The following CHST11 variants were observed in gnomAD, a reference collection of about 807,000 sequenced individuals.
CHST11 encodes carbohydrate sulfotransferase 11.
Under a neutral mutation model 30.4 loss-of-function variants are expected in CHST11, and 9 were observed. That is an observed-to-expected ratio of 0.30 (90% CI 0.18 to 0.52). CHST11 has a LOEUF of 0.52. Among genes scored for constraint, CHST11 ranks in the 20% least tolerant of loss-of-function variants. The pLI, the probability that CHST11 is intolerant of heterozygous loss-of-function variation, is 0.97. For synonymous variants in CHST11, 152 were observed against 187.8 expected (o/e 0.81, Z 1.56); for missense variants, 348 against 460.6 (o/e 0.76, Z 2.24).
In CHST11 at chr12:104,458,394, TCC is replaced by T. The variant is rs2037376086; in HGVS notation, c.118+866_118+867del. ...CGGGCGGCGTGGGAATGAACCCCAT[TCC>T]TCCGGTCCCTTGTGGCTCAGGCAAA... On this transcript the variant is annotated intron_variant, in intron 1 of 2. Coordinates refer to ENST00000303694, the MANE Select transcript of CHST11 (RefSeq NM_018413.6). The surrounding 1 kb of genome is among the most constrained non-coding windows in gnomAD (Gnocchi z 5.7). Among the ~76,000 whole-genome samples the T allele has an allele frequency of 6.6e-6, 1 of 152,172 alleles. No individual in the cohort carries two copies. The highest frequency in any genetic ancestry group is 1.5e-5 in the Non-Finnish European group (1 of 68,030).
intron 1 of CHST11, among the ~76,000 whole-genome samples, chr12:104,578,605 G>A (rs2038708485): frequency 6.6e-6 from 1 of 152,160 alleles, no homozygotes; most frequent in Non-Finnish European, 1.5e-5. Context: ...CGGCTTTCTG[G>A]CGTGGTTTAT....
chr12:104,548,591 T>G (rs2038375250), intron 1 of CHST11, among the ~76,000 whole-genome samples: 1 of 152,254 alleles, frequency 6.6e-6, no homozygotes, highest in Non-Finnish European at 1.5e-5. Flanking sequence ...GAGAGCTTAC[T>G]CTGTTCCAGG....
At chr12:104,690,809 C>T (rs1479142346) in intron 2 of CHST11, among the ~76,000 whole-genome samples, 2 of 152,144 alleles carry the variant, frequency 1.3e-5, no homozygotes. Flanking sequence ...GCCTGGGCAA[C>T]AGAGTGAGAC....
At chr12:104,496,878 T>C (rs535111145) in intron 1 of CHST11, among the ~76,000 whole-genome samples, 79 of 152,312 alleles carry the variant, frequency 5.2e-4, no homozygotes, top group Non-Finnish European at 9.9e-4. Flanking sequence ...CCAGAAAAAC[T>C]TTCCACTGGA....
chr12:104,656,119 G>A (rs570553486), intron 2 of CHST11, among the ~76,000 whole-genome samples: 4 of 152,318 alleles, frequency 2.6e-5, no homozygotes, highest in African/African-American at 4.8e-5. Flanking sequence ...AATTCTTTGC[G>A]TAGAACTATG....
intron 2 of CHST11, among the ~76,000 whole-genome samples, chr12:104,613,059 C>T (rs1248302799): frequency 6.6e-6 from 1 of 151,934 alleles, no homozygotes; most frequent in African/African-American, 2.4e-5. Context: ...CCTGTCTCTA[C>T]AAAAAATATA....
chr12:104,720,531 G>A (rs942967836), intron 2 of CHST11, among the ~76,000 whole-genome samples: 2 of 150,232 alleles, frequency 1.3e-5, no homozygotes, highest in Non-Finnish European at 2.9e-5. Context: ...AGGGTCTCCC[G>A]GGGTCTCCCC....
intron 1 of CHST11, among the ~76,000 whole-genome samples, chr12:104,534,788 T>TTGA (rs1450744575): frequency 6.6e-6 from 1 of 152,180 alleles, no homozygotes; most frequent in Non-Finnish European, 1.5e-5. Context: ...AGCTTTTGTT[T>TTGA]TGATTATTTT....
intron 1 of CHST11, among the ~76,000 whole-genome samples, chr12:104,565,586 G>T (rs2038556852): frequency 6.6e-6 from 1 of 151,960 alleles, no homozygotes; most frequent in Non-Finnish European, 1.5e-5. Context: ...TTTGTAAATT[G>T]TCTACCTGAG....
intron 1 of CHST11, among the ~76,000 whole-genome samples, chr12:104,566,847 A>C: frequency 6.6e-6 from 1 of 151,960 alleles, no homozygotes; most frequent in Non-Finnish European, 1.5e-5. Context: ...CCTGAATGGA[A>C]CCTTAGAATC....
chr12:104,638,404 G>T (rs964197186), intron 2 of CHST11, among the ~76,000 whole-genome samples: 5 of 152,176 alleles, frequency 3.3e-5, no homozygotes, highest in African/African-American at 1.2e-4. Flanking sequence ...CTGACTTAAA[G>T]TGTGATGATA....
In CHST11 at chr12:104,596,857, A is replaced by G. The variant is rs17035914; in HGVS notation, c.119-5049A>G. Reference sequence around the variant, plus strand: ...CACTGGGCAGTTCAGGCAAGCATGTAAGGTCTCCGAGTTTCTTCTGTAAAT... The same window carrying G: ...CACTGGGCAGTTCAGGCAAGCATGTGAGGTCTCCGAGTTTCTTCTGTAAAT... On this transcript the variant is annotated intron_variant, in intron 1 of 2. Coordinates refer to ENST00000303694, the MANE Select transcript of CHST11 (RefSeq NM_018413.6). Among the ~76,000 whole-genome samples, 654 of 152,288 alleles carry G rather than the reference A, an allele frequency of 4.3e-3. 32 individuals carry two copies. The East Asian group carries it at 0.086, about 20-fold the overall frequency.
chr12:104,626,826 A>T (rs1260573145), intron 2 of CHST11, among the ~76,000 whole-genome samples: 1 of 151,918 alleles, frequency 6.6e-6, no homozygotes, highest in African/African-American at 2.4e-5. Flanking sequence ...GAAGTGGTCC[A>T]TTTGTTACAA....
chr12:104,457,627 C>T (rs926048618), intron 1 of CHST11, 98 bp downstream of exon 1: 12 of 890,564 alleles, frequency 1.3e-5, no homozygotes, highest in Admixed American at 6.9e-5. Context: ...CCTACCTCTC[C>T]GCCTTCGGCC....
chr12:104,683,676 A>C (rs1307117968), intron 2 of CHST11, among the ~76,000 whole-genome samples: 1 of 152,214 alleles, frequency 6.6e-6, no homozygotes, highest in Non-Finnish European at 1.5e-5. Flanking sequence ...GCAAAGGAAA[A>C]TTTTTAAAAA....
At chr12:104,740,684 G>A (rs985933394) in intron 2 of CHST11, among the ~76,000 whole-genome samples, 18 of 152,148 alleles carry the variant, frequency 1.2e-4, no homozygotes, top group African/African-American at 4.3e-4. Flanking sequence ...AAGCTCTACA[G>A]GCAGAAGAAT....
At chr12:104,609,903 A>T (rs1346656006) in intron 2 of CHST11, among the ~76,000 whole-genome samples, 1 of 152,186 alleles carries the variant, frequency 6.6e-6, no homozygotes, top group Non-Finnish European at 1.5e-5. Flanking sequence ...TAATAATAAG[A>T]TGGATGATTT....
chr12:104,588,606 G>C (rs2038828153), intron 1 of CHST11, among the ~76,000 whole-genome samples: 1 of 152,196 alleles, frequency 6.6e-6, no homozygotes, highest in Non-Finnish European at 1.5e-5. Context: ...CTCACAAACA[G>C]CTTTAAGACT....
intron 1 of CHST11, among the ~76,000 whole-genome samples, chr12:104,489,567 G>C (rs2888822): frequency 0.99 from 150,189 of 152,260 alleles, 74,080 homozygotes; most frequent in Middle Eastern, 1. Flanking sequence ...CAACCTCCCC[G>C]TCCTGGGTTC....
Sources: allele counts gnomAD v4.1 joint callset (sites outside exome capture counted in the v4.1 genomes callset), GRCh38; gene constraint gnomAD v4.1.1; non-coding constraint Gnocchi (gnomAD v3.1); transcripts MANE v1.5; gene names NCBI Gene and HGNC (gene_info 2026-07-23, HGNC 2026-07-21).